The following TTN variants were observed in gnomAD, a reference collection of about 807,000 sequenced individuals.
TTN encodes connectin.
Under a neutral mutation model 3,223.0 loss-of-function variants are expected in TTN, and 1,525 were observed. The ratio of observed to expected loss-of-function variants is 0.47; its 90% CI spans 0.45 to 0.49. The LOEUF (loss-of-function observed/expected upper bound fraction) is 0.49. Ranked by LOEUF, TTN falls within the 20% of genes least tolerant of loss-of-function variation. The pLI is 0.00. For synonymous variants in TTN, 14,094 were observed against 15,161.0 expected (o/e 0.93, Z 5.17); for missense variants, 40,786 against 43,424.0 (o/e 0.94, Z 5.40).
intron 211 of TTN, 89 bp downstream of exon 211, chr2:178,649,728 A>AC (rs2062617116): frequency 6.4e-7 from 1 of 1,551,054 alleles, no homozygotes; most frequent in African/African-American, 1.4e-5. Flanking sequence ...GTAAGAGTTA[A>AC]CAAACATATA....
rs759477837 is a variant in TTN at position 178,541,270 on chromosome 2, A to G, written c.97795+12T>C. ...TAACTCAATCAATTTGACTGATACA[A>G]AATGTCCTTACCAATTGGATCCATG... On this transcript the variant is annotated intron_variant, in intron 350 of 362. Transcript: ENST00000589042. 2.8e-5 allele frequency: 41 copies of G among 1,477,084 alleles called. No individual in the cohort carries two copies. Among genetic ancestry groups the G allele is most frequent in the Admixed American group, 1.8e-4 (8 of 45,182 alleles). The allele number at this position is 1,477,084 out of a possible 1,614,324, so 91.5% of individuals were successfully genotyped here.
intron 46 of TTN, 30 bp downstream of exon 46, chr2:178,756,192 G>A: frequency 6.6e-7 from 1 of 1,511,878 alleles, no homozygotes; most frequent in Non-Finnish European, 9.1e-7. Flanking sequence ...AGGATGAAAT[G>A]AAGCAAGTCA....
rs370487706 is a variant in TTN at position 178,601,201 on chromosome 2, C to T, written c.55733-30G>A. ...AAAAATAATTAAAGGAAGTATTAAG[C>T]GTTGTTTATAATAATATACTTCAAT... On this transcript the variant is annotated intron_variant, in intron 287 of 362. Transcript: ENST00000589042. 2.0e-4 allele frequency: 310 copies of T among 1,519,586 alleles called. 4 individuals are homozygous for T. In the South Asian group the frequency reaches 3.4e-3, roughly 17 times the overall value. The allele number at this position is 1,519,586 out of a possible 1,614,324, so 94.1% of individuals were successfully genotyped here.
At chr2:178,649,659 A>G in intron 211 of TTN, 28 bp from the exon 212 acceptor site, 2 of 1,550,856 alleles carry the variant, frequency 1.3e-6, no homozygotes, top group Non-Finnish European at 1.7e-6. Context: ...GCATTTAATA[A>G]TACAAAGTTG....
At chr2:178,639,984 G>A in intron 222 of TTN, 64 bp downstream of exon 222, 2 of 1,568,888 alleles carry the variant, frequency 1.3e-6, no homozygotes. Context: ...CTTTTATTAA[G>A]TACATGTTAT....
intron 214 of TTN, 28 bp downstream of exon 214, chr2:178,647,353 T>G: frequency 6.5e-7 from 1 of 1,547,362 alleles, no homozygotes; most frequent in South Asian, 1.2e-5. Flanking sequence ...ATTGTCATCT[T>G]TCCAAGATTT....
chr2:178,563,421 G>A lies in TTN; in HGVS notation c.82711C>T (p.Pro27571Ser). 1.9e-6 allele frequency: 3 copies of A among 1,613,582 alleles called. No individual in the cohort carries two copies. Among genetic ancestry groups the A allele is most frequent in the Non-Finnish European group, 2.5e-6 (3 of 1,179,742 alleles). The change falls in exon 326 of 363, where the codon CCA becomes TCA. Residue 27571 changes from proline to serine, a missense_variant. Coordinates refer to ENST00000589042, the MANE Select transcript of TTN (RefSeq NM_001267550.2). This position sits in a 1 kb window ranked among gnomAD's most constrained non-coding sequence, Gnocchi z 4.5. The stretch of plus-strand genomic sequence containing the variant: ...ACTTTTGGATTGCTTGGGGGACCTG[G>A]TGGATACAAGGCATCACACGCACGG... ...FYRACDALYPPGPPSNPKVTD... is the reference protein window; with the variant it reads ...FYRACDALYPSGPPSNPKVTD...
In TTN at chr2:178,756,382, T is replaced by C; in HGVS notation, c.11094A>G (p.Ala3698=). 1 of 1,613,896 alleles carries C rather than the reference T, an allele frequency of 6.2e-7. No homozygotes were observed. Among genetic ancestry groups the C allele is most frequent in the Non-Finnish European group, 8.5e-7 (1 of 1,179,824 alleles). ...TCAGTCTCTCGGATTCCTCTATCTT[T>C]GCACCTTCGTGAGTCCAGGTTACAT... ...FIDVTWTHEG[A]KIEESERLKQ... The change falls in exon 46 of 363, where the codon GCA becomes GCG. Residue 3698 remains alanine, a synonymous_variant. Transcript: ENST00000589042.
chr2:178,611,771 A>G lies in TTN; in HGVS notation c.50538T>C (p.Ile16846=), dbSNP rs763711863. ...AGCACTACTTACTTGTTGGATCTTC[A>G]ATGGATAGGATTTCTGTGGGTTCAC... The part of the protein sequence containing the change: ...HPSEPTEILS[I]EDPTSPPSPP... Residue 16846 remains isoleucine, a synonymous_variant, in exon 268 of 363, where the codon ATT becomes ATC. Transcript: ENST00000589042. 21 of 1,611,870 alleles carry G rather than the reference A, an allele frequency of 1.3e-5. No homozygotes were observed. The East Asian group carries it at 4.7e-4, about 36-fold the overall frequency.
intron 354 of TTN, chr2:178,538,250 A>G (rs1692583908): frequency 2.1e-6 from 1 of 465,866 alleles, no homozygotes; most frequent in Non-Finnish European, 3.8e-6. Flanking sequence ...GTGGCATACA[A>G]TTGTTGACCT....
intron 167 of TTN, 23 bp from the exon 168 acceptor site, chr2:178,664,560 A>G (rs758565891): frequency 1.2e-6 from 2 of 1,606,224 alleles, no homozygotes; most frequent in Non-Finnish European, 1.7e-6. Context: ...TAATAATTTT[A>G]CATTTAGAAG....
chr2:178,753,108 T>C lies in TTN; in HGVS notation c.11311+16A>G. On this transcript the variant is annotated intron_variant, in intron 47 of 362. Coordinates refer to ENST00000589042, the MANE Select transcript of TTN (RefSeq NM_001267550.2). ...TTAGAATTTCTACTTAAATCTCACA[T>C]CCATTATAACAATACCTTTCATTTC... 6.2e-7 allele frequency: 1 copy of C among 1,603,192 alleles called. No homozygotes were observed. Among genetic ancestry groups the C allele is most frequent in the Non-Finnish European group, 8.5e-7 (1 of 1,172,542 alleles).
intron 241 of TTN, 83 bp from the exon 242 acceptor site, chr2:178,624,814 T>C: frequency 1.3e-6 from 2 of 1,498,236 alleles, no homozygotes; most frequent in East Asian, 2.3e-5. Flanking sequence ...CCCTGCCATC[T>C]CCAGGGCTTT....
At chr2:178,774,619 T>G (rs941444781) in intron 29 of TTN, 146 bp from the exon 30 acceptor site, 22 of 753,750 alleles carry the variant, frequency 2.9e-5, no homozygotes, top group Middle Eastern at 3.8e-4. Flanking sequence ...GGCTGAGAGA[T>G]AAATTTTCAA....
chr2:178,705,138 CT>C (rs533796953), intron 103 of TTN, 35 bp downstream of exon 103: 1 of 1,599,654 alleles, frequency 6.3e-7, no homozygotes, highest in East Asian at 2.2e-5. Context: ...TTAAATGTGA[CT>C]TTTTTAGCAT....
At chr2:178,791,809 T>C (rs1455957828) in intron 10 of TTN, among the ~76,000 whole-genome samples, 1 of 152,106 alleles carries the variant, frequency 6.6e-6, no homozygotes, top group Non-Finnish European at 1.5e-5. Flanking sequence ...CTATCATCCA[T>C]TTATGTATGT....
At chr2:178,706,995 A>T in intron 100 of TTN, 41 bp from the exon 101 acceptor site, 1 of 1,532,844 alleles carries the variant, frequency 6.5e-7, no homozygotes, top group Non-Finnish European at 8.9e-7. Context: ...CAATCACCTC[A>T]GAATTACAAT....
rs1553698265 is a variant in TTN, at chr2:178,612,310, T to C, written c.50215A>G (p.Ile16739Val). 1 of 1,612,610 alleles carries C rather than the reference T, an allele frequency of 6.2e-7. No homozygotes were observed. The highest frequency in any genetic ancestry group is 1.3e-5 in the African/African-American group (1 of 74,964). The change falls in exon 266 of 363, where the codon ATT becomes GTT. Residue 16739 changes from isoleucine to valine, a missense_variant. Physicochemically the swap from Ile to Val is conservative, Grantham distance 29. Coordinates refer to ENST00000589042, the MANE Select transcript of TTN (RefSeq NM_001267550.2). ...TCTTTGGCCAGCACAGAGTCCTCAA[T>C]TTCGGTGTAGTCGCTTTGTCCTATA... ...NAIGQSDYTE[I>V]EDSVLAKDTF...
rs754758726 is a variant in TTN at position 178,714,548 on chromosome 2, G to A, written c.26226C>T (p.Leu8742=). Residue 8742 remains leucine, a synonymous_variant, in exon 91 of 363, where the codon CTC becomes CTT. Coordinates refer to ENST00000589042, the MANE Select transcript of TTN (RefSeq NM_001267550.2). The part of the protein sequence containing the change: ...LKAPPRFVKK[L]SDISTVVGKE... ...TACCAACGACAGTAGATATGTCACTGAGCTTCTTCACAAATCTTGGTGGTG... is the reference window on the plus strand; with the variant it reads ...TACCAACGACAGTAGATATGTCACTAAGCTTCTTCACAAATCTTGGTGGTG... 2.5e-6 allele frequency: 4 copies of A among 1,606,398 alleles called. No individual in the cohort carries two copies. In the African/African-American group the frequency reaches 4.0e-5, roughly 16 times the overall value.
Sources: gnomAD v4.1 joint callset for allele counts (sites outside exome capture counted in the v4.1 genomes callset) on GRCh38, gnomAD v4.1.1 for gene constraint, Gnocchi (gnomAD v3.1) non-coding constraint, MANE v1.5 for transcripts, NCBI Gene and HGNC (gene_info 2026-07-23, HGNC 2026-07-21) for gene names.